Variants in CEP104 observed in about 807,000 individuals in gnomAD.
CEP104 encodes the protein centrosomal protein of 104 kDa.
In CEP104, 84 loss-of-function variants were observed where a neutral mutation model predicts 113.3. The ratio of observed to expected loss-of-function variants is 0.74; its 90% confidence interval spans 0.62 to 0.89. The LOEUF is 0.89. CEP104 is among the 40% of genes least tolerant of loss of function. The probability of loss-of-function intolerance (pLI) is 0.00; values close to 1 mark genes in which losing one functional copy is unlikely to be tolerated. For synonymous variants in CEP104, 378 were observed against 421.7 expected (o/e 0.90, Z 1.27); for missense variants, 1,053 against 1,156.6 (o/e 0.91, Z 1.30).
intron 5 of CEP104, 49 bp from the exon 6 acceptor site, chr1:3,845,032 A>T (rs746086975): frequency 7.0e-7 from 1 of 1,437,074 alleles, no homozygotes; most frequent in African/African-American, 1.4e-5. Flanking sequence ...AAGAGGAACA[A>T]CACAAAACCT....
intron 9 of CEP104, chr1:3,837,000 G>A (rs1225783095): frequency 7.7e-6 from 4 of 517,040 alleles, no homozygotes; most frequent in Non-Finnish European, 1.4e-5. Flanking sequence ...GACTACTAAA[G>A]TAAAGGCTAT....
chr1:3,833,790 G>C, intron 12 of CEP104, 72 bp downstream of exon 12: 2 of 1,425,532 alleles, frequency 1.4e-6, no homozygotes, highest in Non-Finnish European at 2.0e-6. Context: ...TGTAAAAGGT[G>C]TTAAGAAAGC....
In CEP104 at chr1:3,823,047, C is replaced by A. The variant is rs59648769; in HGVS notation, c.2571+127G>T. ...AGACAGGGCTCACTAGACGCTGTCC[C>A]CTCCCTGAACACTCATGTACTGTAC... On this transcript the variant is annotated intron_variant, in intron 20 of 21. Transcript: ENST00000378230. The surrounding 1 kb of genome is among the most constrained non-coding windows in gnomAD (Gnocchi z 4.1). 0.01 allele frequency: 8,410 copies of A among 819,484 alleles called. 505 individuals carry two copies. The African/African-American group carries it at 0.12, about 12-fold the overall frequency. The allele number at this position is 819,484 out of a possible 1,614,324, so 50.8% of individuals were successfully genotyped here.
chr1:3,844,168 A>C (rs1418737991), intron 6 of CEP104, among the ~76,000 whole-genome samples: 3 of 152,256 alleles, frequency 2.0e-5, no homozygotes, highest in African/African-American at 7.2e-5. Context: ...ACCTGGGTCC[A>C]TTAATATCTT....
rs369557437 is a variant in CEP104 at position 3,837,329 on chromosome 1, G to A, written c.1082C>T (p.Pro361Leu). 103 of 1,613,642 alleles carry A rather than the reference G, an allele frequency of 6.4e-5. No individual in the cohort carries two copies. The highest frequency in any genetic ancestry group is 1.1e-4 in the South Asian group (10 of 91,060). Residue 361 changes from proline (P) to leucine (L), a missense_variant, in exon 9 of 22, where the codon CCG becomes CTG. Coordinates refer to ENST00000378230, the MANE Select transcript of CEP104 (RefSeq NM_014704.4). ...TISPQHSAVD[P>L]LLPATDPHPK... is the part of the protein sequence containing the mutation. ...ATGAGGATCTGTGGCAGGGAGTAAC[G>A]GGTCTACTGCAGAATGCTGAGGAGA...
intron 12 of CEP104, among the ~76,000 whole-genome samples, chr1:3,833,269 G>A (rs1281612550): frequency 3.3e-5 from 5 of 152,036 alleles, no homozygotes; most frequent in South Asian, 2.1e-4. Context: ...GTGAGCCACC[G>A]TGCCCAGTCT....
chr1:3,815,487 G>A lies in CEP104; in HGVS notation c.2693C>T (p.Pro898Leu). ...GKSSAVAASG[P>L]LGSKAGSKIP... ...CTTGCTTCCGGCCTTTGACCCCAAG[G>A]GGCCTGATGCGGCCACAGCTGAGCT... is the stretch of plus-strand genomic sequence containing the variant. Residue 898 changes from proline to leucine, a missense_variant, in exon 22 of 22, where the codon CCC (proline) becomes CTC (leucine). By Grantham distance (98) the Pro-to-Leu change is moderately conservative (BLOSUM62 -3). Transcript: ENST00000378230. 7 of 1,610,850 alleles carry A rather than the reference G, an allele frequency of 4.3e-6. No individual in the cohort carries two copies. Among genetic ancestry groups the A allele is most frequent in the Non-Finnish European group, 5.1e-6 (6 of 1,178,790 alleles).
intron 12 of CEP104, among the ~76,000 whole-genome samples, chr1:3,833,339 G>T (rs545305225): frequency 6.6e-6 from 1 of 152,102 alleles, no homozygotes; most frequent in South Asian, 2.1e-4. Context: ...AAAACTTAAC[G>T]TAATTCATAA....
In CEP104 at chr1:3,837,500, A is replaced by C; in HGVS notation, c.911T>G (p.Leu304Trp). 6.2e-7 allele frequency: 1 copy of C among 1,614,252 alleles called. No individual in the cohort carries two copies. The highest frequency in any genetic ancestry group is 1.7e-5 in the Admixed American group (1 of 60,026). The stretch of plus-strand genomic sequence containing the variant: ...AGAACGAGCGAGGGGCTGGAGGGGC[A>C]AATCAAAAGGTCTTCGCATCTAGAG... ...DAELMRRPFD[L>W]PLQPLARSGS... The change falls in exon 9 of 22, where the codon TTG becomes TGG. Residue 304 changes from leucine (L) to tryptophan (W), a missense_variant. Physicochemically the swap from Leu to Trp is moderately conservative, Grantham distance 61 (BLOSUM62 -2). Transcript: ENST00000378230.
chr1:3,829,799 C>T lies in CEP104; in HGVS notation c.2035G>A (p.Glu679Lys), dbSNP rs770322534. 6.2e-7 allele frequency: 1 copy of T among 1,614,110 alleles called. No homozygotes were observed. Among genetic ancestry groups the T allele is most frequent in the Non-Finnish European group, 8.5e-7 (1 of 1,179,968 alleles). ...AKIDGRATDA[E>K]MRARRKAATE... Reference sequence around the variant, plus strand: ...CACCAAAGTTAACTCACCCTCATCTCAGCATCTGTAGCTCTGCCATCTATT... The same window carrying T: ...CACCAAAGTTAACTCACCCTCATCTTAGCATCTGTAGCTCTGCCATCTATT... The change falls in exon 14 of 22, where the codon GAG (glutamate) becomes AAG (lysine). Residue 679 changes from glutamate to lysine, a missense_variant. Coordinates refer to ENST00000378230, the MANE Select transcript of CEP104 (RefSeq NM_014704.4).
At chr1:3,830,894 G>C in intron 13 of CEP104, 152 bp downstream of exon 13, 1 of 731,350 alleles carries the variant, frequency 1.4e-6, no homozygotes, top group Non-Finnish European at 2.2e-6. Context: ...ACGCATGTGG[G>C]GGCCCCCATT....
chr1:3,850,703 G>A (rs12730854), intron 2 of CEP104, among the ~76,000 whole-genome samples: 13,641 of 152,196 alleles, frequency 0.09, 629 homozygotes, highest in Middle Eastern at 0.11. Flanking sequence ...CTGACCTCAG[G>A]GAAGTCAAGA....
chr1:3,826,218 G>A lies in CEP104; in HGVS notation c.2255+152C>T, dbSNP rs1382658414. ...GAGGGAAAGTTGTCTTGACTGACTCGGAGTGGATGCTGGTTAGTGCAGAAG... is the reference window on the plus strand; with the variant it reads ...GAGGGAAAGTTGTCTTGACTGACTCAGAGTGGATGCTGGTTAGTGCAGAAG... On this transcript the variant is annotated intron_variant, in intron 17 of 21. Transcript: ENST00000378230. The A allele has an allele frequency of 2.2e-4, 148 of 665,468 alleles. 1 individual carries two copies. The East Asian group carries it at 3.6e-3, about 16-fold the overall frequency. 41.2% of individuals were successfully genotyped at this position (665,468 alleles called of 1,614,324 possible). A position where few individuals can be genotyped will look rare whatever the true frequency, so the allele number is the denominator to read the frequency against.
intron 3 of CEP104, 133 bp from the exon 4 acceptor site, chr1:3,847,746 G>C: frequency 1.2e-6 from 1 of 859,508 alleles, no homozygotes; most frequent in Non-Finnish European, 1.8e-6. Context: ...CCCTATGCAG[G>C]ATCAACAGGT....
In CEP104 at chr1:3,831,016, C is replaced by T. The variant is rs6424058; in HGVS notation, c.1836+30G>A. On this transcript the variant is annotated intron_variant, in intron 13 of 21. Transcript: ENST00000378230. ...AGGCACTGTGGTGAGTGCTGGGCCGCGTGGTGTGTCACACGCGAGGTCTGC... is the reference window on the plus strand; with the variant it reads ...AGGCACTGTGGTGAGTGCTGGGCCGTGTGGTGTGTCACACGCGAGGTCTGC... 0.41 allele frequency: 660,756 copies of T among 1,600,080 alleles called. 139,577 individuals are homozygous for T. Among genetic ancestry groups the T allele is most frequent in the Admixed American group, 0.44 (26,311 of 59,558 alleles).
chr1:3,817,619 C>G (rs961797595), intron 20 of CEP104, among the ~76,000 whole-genome samples: 1 of 152,178 alleles, frequency 6.6e-6, no homozygotes, highest in African/African-American at 2.4e-5. Flanking sequence ...AGCTGGGGCG[C>G]CTTCTCACCA....
chr1:3,835,885 G>A (rs532591226), intron 10 of CEP104, among the ~76,000 whole-genome samples: 2 of 152,168 alleles, frequency 1.3e-5, no homozygotes, highest in African/African-American at 2.4e-5. Flanking sequence ...GGGCAGGCAC[G>A]GTGGCTAATG....
At chr1:3,839,231 C>A in intron 7 of CEP104, 112 bp from the exon 8 acceptor site, 1 of 957,038 alleles carries the variant, frequency 1.0e-6, no homozygotes, top group Non-Finnish European at 1.6e-6. Context: ...AGGGAGTGAG[C>A]ACAGGGAAAT....
chr1:3,825,878 G>C lies in CEP104; in HGVS notation c.2256-12C>G. ...AAAAAATACACAAACTGAAAGCAAA[G>C]CAAAGCAGGAAATAAAGGTAAGGAT... On this transcript the variant is annotated splice_polypyrimidine_tract_variant and intron_variant, in intron 17 of 21. Coordinates refer to ENST00000378230, the MANE Select transcript of CEP104 (RefSeq NM_014704.4). 1 of 1,574,856 alleles carries C rather than the reference G, an allele frequency of 6.3e-7. No individual in the cohort carries two copies. The highest frequency in any genetic ancestry group is 8.7e-7 in the Non-Finnish European group (1 of 1,144,076).
Sources: gnomAD v4.1 joint callset for allele counts (sites outside exome capture counted in the v4.1 genomes callset) on GRCh38, gnomAD v4.1.1 for gene constraint, Gnocchi (gnomAD v3.1) non-coding constraint, MANE v1.5 for transcripts, NCBI Gene and HGNC (gene_info 2026-07-23, HGNC 2026-07-21) for gene names.